The following NIPBL variants were observed in gnomAD, a reference collection of about 807,000 sequenced individuals.
NIPBL encodes the protein NIPBL cohesin loading factor.
Under a neutral mutation model 321.8 loss-of-function variants are expected in NIPBL, and 19 were observed. The observed-to-expected ratio is 0.06, with a 90% CI of 0.04 to 0.09. The LOEUF (loss-of-function observed/expected upper bound fraction) is 0.09, where lower values mean the gene tolerates loss of function less well. Ranked by LOEUF, NIPBL falls within the 10% of genes least tolerant of loss-of-function variation. NIPBL has a pLI of 1.00. For synonymous variants in NIPBL, 1,106 were observed against 1,114.1 expected (o/e 0.99, Z 0.14); for missense variants, 2,210 against 3,327.0 (o/e 0.66, Z 8.26).
intron 1 of NIPBL, among the ~76,000 whole-genome samples, chr5:36,950,043 G>T (rs865778865): frequency 6.6e-6 from 1 of 151,798 alleles, no homozygotes; most frequent in African/African-American, 2.4e-5. Flanking sequence ...AATGTATTTT[G>T]TTCGATTTAG....
At position 37,020,616 on chromosome 5, in the gene NIPBL, G is replaced by A. The variant is rs886060558; in HGVS notation, c.5168G>A (p.Arg1723Gln). ...TGQIMHRAEN[R>Q]KKFLRSIIKT... Reference sequence around the variant, plus strand: ...CAAATTATGCATCGAGCTGAAAACCGAAAAAAGTTTCTTAGAAGCATTATC... The same window carrying A: ...CAAATTATGCATCGAGCTGAAAACCAAAAAAAGTTTCTTAGAAGCATTATC... Residue 1723 changes from arginine (R) to glutamine (Q), a missense_variant, in exon 26 of 47, where the codon CGA (arginine) becomes CAA (glutamine). By Grantham distance (43) the Arg-to-Gln change is conservative. This residue lies in a region of NIPBL where 138 missense variants were observed against 175.8 expected (regional missense o/e 0.79). Transcript: ENST00000282516. The A allele has an allele frequency of 1.2e-6, 2 of 1,613,966 alleles. No homozygotes were observed. The highest frequency in any genetic ancestry group is 1.7e-6 in the Non-Finnish European group (2 of 1,179,982).
At chr5:37,056,067 T>C (rs902315844) in intron 42 of NIPBL, among the ~76,000 whole-genome samples, 1 of 152,118 alleles carries the variant, frequency 6.6e-6, no homozygotes, top group African/African-American at 2.4e-5. Flanking sequence ...AATACAGGGC[T>C]TTTATGGATG....
chr5:37,059,490 G>A (rs985815094), intron 44 of NIPBL, among the ~76,000 whole-genome samples: 2 of 152,146 alleles, frequency 1.3e-5, no homozygotes, highest in African/African-American at 4.8e-5. Flanking sequence ...CTGGGCAACA[G>A]AGCAAGACTC....
intron 1 of NIPBL, among the ~76,000 whole-genome samples, chr5:36,882,373 C>T (rs993512821): frequency 6.6e-6 from 1 of 151,718 alleles, no homozygotes; most frequent in South Asian, 2.1e-4. Context: ...TTTTTCAGTT[C>T]CTCAAGGTAT....
chr5:37,064,122 T>C, intron 46 of NIPBL, 144 bp downstream of exon 46: 1 of 1,446,744 alleles, frequency 6.9e-7, no homozygotes, highest in Admixed American at 2.8e-5. Context: ...GATTCTCTAC[T>C]TACCCGTTTA....
chr5:36,926,498 G>A (rs1157311261), intron 1 of NIPBL, among the ~76,000 whole-genome samples: 1 of 152,180 alleles, frequency 6.6e-6, no homozygotes, highest in East Asian at 1.9e-4. Flanking sequence ...AGCATCATCA[G>A]CATGGCTTTT....
chr5:36,918,133 A>G (rs539251530), intron 1 of NIPBL, among the ~76,000 whole-genome samples: 176 of 152,126 alleles, frequency 1.2e-3, no homozygotes, highest in African/African-American at 4.2e-3. Context: ...CATTTTCACG[A>G]TATTGATTCT....
chr5:36,943,826 C>G (rs1403716086), intron 1 of NIPBL, among the ~76,000 whole-genome samples: 1 of 152,026 alleles, frequency 6.6e-6, no homozygotes, highest in Non-Finnish European at 1.5e-5. Context: ...ATGTGTTGTT[C>G]TGGAAGACAA....
intron 1 of NIPBL, among the ~76,000 whole-genome samples, chr5:36,905,324 G>A (rs1460434253): frequency 2.0e-5 from 3 of 152,134 alleles, no homozygotes; most frequent in Non-Finnish European, 2.9e-5. Flanking sequence ...TGACGCAGGA[G>A]TTTTTTCCTG....
At chr5:36,970,240 G>T (rs1000926535) in intron 6 of NIPBL, among the ~76,000 whole-genome samples, 1 of 151,794 alleles carries the variant, frequency 6.6e-6, no homozygotes, top group Non-Finnish European at 1.5e-5. Flanking sequence ...AAAAGAAAAA[G>T]CCAGATGTGG....
At chr5:36,969,005 A>T (rs1742553430) in intron 6 of NIPBL, among the ~76,000 whole-genome samples, 2 of 152,202 alleles carry the variant, frequency 1.3e-5, no homozygotes. Flanking sequence ...AATGAAATCA[A>T]TTGCATTTTT....
chr5:36,924,917 C>G (rs543879818), intron 1 of NIPBL, among the ~76,000 whole-genome samples: 8 of 152,150 alleles, frequency 5.3e-5, no homozygotes, highest in African/African-American at 1.9e-4. Flanking sequence ...ATCCATTATA[C>G]CAGTATCTTT....
intron 1 of NIPBL, among the ~76,000 whole-genome samples, chr5:36,950,975 G>A (rs909695480): frequency 1.3e-5 from 2 of 152,128 alleles, no homozygotes; most frequent in Non-Finnish European, 2.9e-5. Context: ...TTCCTCTGCT[G>A]TTCTTCAAAA....
chr5:36,943,219 A>T (rs1739308356), intron 1 of NIPBL, among the ~76,000 whole-genome samples: 1 of 152,186 alleles, frequency 6.6e-6, no homozygotes. Context: ...CAGAATTAAT[A>T]TACAATATTC....
In NIPBL at chr5:37,016,046, G is replaced by A. The variant is rs754335963; in HGVS notation, c.4652G>A (p.Ser1551Asn). Residue 1551 changes from serine to asparagine, a missense_variant, in exon 23 of 47, where the codon AGT becomes AAT. By Grantham distance (46) the Ser-to-Asn change is conservative (BLOSUM62 1). Coordinates refer to ENST00000282516, the MANE Select transcript of NIPBL (RefSeq NM_133433.4). ...FLSIFLKKCG[S>N]KQGEEDYRPL... ...TATTTGCCTTTGAACAGATGTGGTAGTAAGCAAGGTGAAGAAGATTACAGA... is the reference window on the plus strand; with the variant it reads ...TATTTGCCTTTGAACAGATGTGGTAATAAGCAAGGTGAAGAAGATTACAGA... 1 of 1,613,894 alleles carries A rather than the reference G, an allele frequency of 6.2e-7. No homozygotes were observed.
intron 9 of NIPBL, 88 bp from the exon 10 acceptor site, chr5:36,984,582 ATAACCT>A: frequency 8.6e-7 from 1 of 1,162,764 alleles, no homozygotes; most frequent in Non-Finnish European, 1.2e-6. Flanking sequence ...TTTTAAAAAC[ATAACCT>A]TAAAAAGATA....
chr5:37,033,688 A>G (rs192800214), intron 32 of NIPBL, among the ~76,000 whole-genome samples: 7 of 61,718 alleles, frequency 1.1e-4, no homozygotes, highest in African/African-American at 5.8e-4. Context: ...ATGTACATAC[A>G]CACACACACA....
rs1752273766 is a variant in NIPBL, at chr5:37,040,960, G to A, written c.6108+2222G>A. Among the ~76,000 whole-genome samples the A allele has an allele frequency of 1.3e-5, 2 of 151,620 alleles. 1 individual carries two copies. Among genetic ancestry groups the A allele is most frequent in the African/African-American group, 4.8e-5 (2 of 41,326 alleles). On this transcript the variant is annotated intron_variant, in intron 34 of 46. Coordinates refer to ENST00000282516, the MANE Select transcript of NIPBL (RefSeq NM_133433.4). Reference sequence around the variant, plus strand: ...TTCTTGGTACTGACCAGTGGGGCTTGCTTTTCTGTTAATTCACTATTTATA... The same window carrying A: ...TTCTTGGTACTGACCAGTGGGGCTTACTTTTCTGTTAATTCACTATTTATA...
intron 1 of NIPBL, among the ~76,000 whole-genome samples, chr5:36,922,658 C>T (rs1749037120): frequency 1.3e-5 from 2 of 152,164 alleles, no homozygotes; most frequent in Admixed American, 6.5e-5. Context: ...GACTATCTTA[C>T]TCATTTTATG....
Sources: allele counts gnomAD v4.1 joint callset (sites outside exome capture counted in the v4.1 genomes callset), GRCh38; gene constraint gnomAD v4.1.1; regional missense constraint gnomAD v4.1.1; transcripts MANE v1.5; gene names NCBI Gene and HGNC (gene_info 2026-07-23, HGNC 2026-07-21).